The following ASPH variants were observed in gnomAD, a reference collection of about 807,000 sequenced individuals.
ASPH encodes the protein aspartate beta-hydroxylase.
Under a neutral mutation model 118.4 loss-of-function variants are expected in ASPH, and 100 were observed. The ratio of observed to expected loss-of-function variants is 0.84; its 90% CI spans 0.72 to 1.00. ASPH has a LOEUF of 1.00. Ranked by LOEUF, ASPH falls within the 50% of genes least tolerant of loss-of-function variation. ASPH has a pLI of 0.00. For missense variants in ASPH, 920 were observed against 919.5 expected, an observed-to-expected ratio of 1.00 and a Z score of -0.01; for synonymous variants, 315 against 325.6, an observed-to-expected ratio of 0.97 and a Z score of 0.35.
chr8:61,612,561 G>C (rs1588087309), intron 14 of ASPH, among the ~76,000 whole-genome samples: 2 of 152,018 alleles, frequency 1.3e-5, no homozygotes, highest in East Asian at 3.9e-4. Flanking sequence ...TAGTAGAGAA[G>C]GGGTTTCACC....
intron 21 of ASPH, 36 bp from the exon 22 acceptor site, chr8:61,526,148 A>T (rs1461482629): frequency 7.4e-6 from 12 of 1,611,288 alleles, no homozygotes; most frequent in Non-Finnish European, 9.3e-6. Flanking sequence ...GGACTGAAAA[A>T]GGGCCTGGTG....
At chr8:61,558,325 G>C (rs999175332) in intron 18 of ASPH, among the ~76,000 whole-genome samples, 3 of 152,148 alleles carry the variant, frequency 2.0e-5, no homozygotes, top group Non-Finnish European at 4.4e-5. Context: ...GGCATTCAAG[G>C]TATATTAGAA....
At position 61,502,574 on chromosome 8, in the gene ASPH, T is replaced by G. The variant is rs1254631020; in HGVS notation, c.*785A>C. Reference sequence around the variant, plus strand: ...CTCTAATAATTGGCATTAAAAAAATTTGCATCTGGGATTTTTATAACAATA... The same window carrying G: ...CTCTAATAATTGGCATTAAAAAAATGTGCATCTGGGATTTTTATAACAATA... On this transcript the variant is annotated 3_prime_UTR_variant, in exon 25 of 25. Transcript: ENST00000379454. 2 of 152,220 alleles carry G rather than the reference T, an allele frequency of 1.3e-5. No individual in the cohort carries two copies. Among genetic ancestry groups the G allele is most frequent in the African/African-American group, 4.8e-5 (2 of 41,454 alleles). 9.4% of individuals were successfully genotyped at this position (152,220 alleles called of 1,614,324 possible). A position where few individuals can be genotyped will look rare whatever the true frequency, so the allele number is the denominator to read the frequency against.
At chr8:61,637,494 T>C (rs998532517) in intron 12 of ASPH, among the ~76,000 whole-genome samples, 4 of 152,154 alleles carry the variant, frequency 2.6e-5, no homozygotes, top group Non-Finnish European at 4.4e-5. Flanking sequence ...CATGCAATTA[T>C]TTTTGTTTTT....
At chr8:61,618,534 A>C (rs985465308) in intron 14 of ASPH, among the ~76,000 whole-genome samples, 1 of 152,202 alleles carries the variant, frequency 6.6e-6, no homozygotes, top group Non-Finnish European at 1.5e-5. Context: ...TCCTATACCT[A>C]GTACAGTTGT....
At chr8:61,531,049 A>G (rs531200899) in intron 21 of ASPH, among the ~76,000 whole-genome samples, 7 of 152,310 alleles carry the variant, frequency 4.6e-5, no homozygotes, top group Admixed American at 3.9e-4. Context: ...GGTATCATTC[A>G]TACTTGAGTT....
At chr8:61,559,433 TAGAC>T (rs957131797) in intron 18 of ASPH, among the ~76,000 whole-genome samples, 1 of 152,100 alleles carries the variant, frequency 6.6e-6, no homozygotes, top group Non-Finnish European at 1.5e-5. Context: ...AATGTAATAT[TAGAC>T]AGATTGTCTC....
intron 1 of ASPH, among the ~76,000 whole-genome samples, chr8:61,695,396 G>T (rs1459647709): frequency 6.6e-6 from 1 of 152,140 alleles, no homozygotes; most frequent in Non-Finnish European, 1.5e-5. Flanking sequence ...TCTTAGTGTT[G>T]TGTCACCCCC....
intron 3 of ASPH, among the ~76,000 whole-genome samples, 159 bp from the exon 4 acceptor site, chr8:61,653,819 CTCT>C (rs970845220): frequency 6.6e-6 from 1 of 152,216 alleles, no homozygotes; most frequent in African/African-American, 2.4e-5. Context: ...AAACAGTTTG[CTCT>C]TCAACTTCAC....
rs74576361 is a variant in ASPH at position 61,630,180 on chromosome 8, A to G, written c.934+3503T>C. On this transcript the variant is annotated intron_variant, in intron 13 of 24. Coordinates refer to ENST00000379454, the MANE Select transcript of ASPH (RefSeq NM_004318.4). ...AAGCTATATTAAGACTGTATAACTT[A>G]GTATTAGGATAATCAGAGAAGGCAA... is the stretch of plus-strand genomic sequence containing the variant. Among the ~76,000 whole-genome samples the G allele has an allele frequency of 4.0e-3, 612 of 152,010 alleles. 1 individual carries two copies. The highest frequency in any genetic ancestry group is 7.6e-3 in the Non-Finnish European group (516 of 68,000).
intron 21 of ASPH, among the ~76,000 whole-genome samples, chr8:61,538,854 C>T (rs1006904297): frequency 6.6e-6 from 1 of 152,208 alleles, no homozygotes; most frequent in East Asian, 1.9e-4. Flanking sequence ...TGTTTATATC[C>T]AAGCAGCTGC....
intron 1 of ASPH, among the ~76,000 whole-genome samples, chr8:61,688,485 G>T (rs2151752522): frequency 6.6e-6 from 1 of 152,230 alleles, no homozygotes; most frequent in Admixed American, 6.5e-5. Flanking sequence ...TTTGGTTGAG[G>T]AAAGGGAGAC....
intron 18 of ASPH, among the ~76,000 whole-genome samples, chr8:61,562,427 C>T (rs941568592): frequency 2.2e-4 from 24 of 107,798 alleles, no homozygotes; most frequent in Non-Finnish European, 2.7e-4. Flanking sequence ...GTAACATTCA[C>T]AGGAACTTAA....
chr8:61,664,144 C>T, intron 3 of ASPH: 1 of 964,664 alleles, frequency 1.0e-6, no homozygotes, highest in Non-Finnish European at 1.2e-6. Flanking sequence ...ATTTGAGGCA[C>T]AGAATAGTAC....
chr8:61,559,779 C>T (rs1829139648), intron 18 of ASPH, among the ~76,000 whole-genome samples: 1 of 152,032 alleles, frequency 6.6e-6, no homozygotes, highest in Non-Finnish European at 1.5e-5. Context: ...GTACACATAA[C>T]ATATAAGTAC....
At chr8:61,641,726 A>G (rs1376452094) in intron 10 of ASPH, among the ~76,000 whole-genome samples, 1 of 152,144 alleles carries the variant, frequency 6.6e-6, no homozygotes, top group Non-Finnish European at 1.5e-5. Context: ...ACTATCTATC[A>G]TGACACTGTA....
chr8:61,579,106 A>G (rs1354400284), intron 15 of ASPH: 1 of 1,609,618 alleles, frequency 6.2e-7, no homozygotes, highest in African/African-American at 1.3e-5. Flanking sequence ...GCTGGGAAGC[A>G]CGGGGATGAC....
At chr8:61,633,816 T>A in intron 12 of ASPH, 89 bp from the exon 13 acceptor site, 1 of 860,744 alleles carries the variant, frequency 1.2e-6, no homozygotes, top group African/African-American at 1.8e-5. Context: ...TGATGATACT[T>A]TTCATAGATT....
At chr8:61,611,693 G>A (rs1182502072) in intron 14 of ASPH, among the ~76,000 whole-genome samples, 1 of 152,198 alleles carries the variant, frequency 6.6e-6, no homozygotes, top group Non-Finnish European at 1.5e-5. Context: ...AATTCCAGAA[G>A]CAAGTCTCAA....
Sources: gnomAD v4.1 joint callset for allele counts (sites outside exome capture counted in the v4.1 genomes callset) on GRCh38, gnomAD v4.1.1 for gene constraint, MANE v1.5 for transcripts, NCBI Gene and HGNC (gene_info 2026-07-23, HGNC 2026-07-21) for gene names.